DENND4A: variants seen among roughly 807,000 people sequenced by gnomAD.
The protein encoded by DENND4A is DENN domain containing 4A.
A neutral mutation model predicts 199.3 loss-of-function variants in DENND4A; 70 were observed. That is an observed-to-expected ratio of 0.35 (90% CI 0.29 to 0.43). The LOEUF (loss-of-function observed/expected upper bound fraction) is 0.43, where lower values mean the gene tolerates loss of function less well. Among genes scored for constraint, DENND4A ranks in the 20% least tolerant of loss-of-function variants. The pLI, the probability that DENND4A is intolerant of heterozygous loss-of-function variation, is 1.00. For missense variants in DENND4A, 1,723 were observed against 2,255.8 expected (o/e 0.76, Z 4.78); for synonymous variants, 686 against 766.9 (o/e 0.89, Z 1.74).
intron 24 of DENND4A, among the ~76,000 whole-genome samples, chr15:65,674,623 T>C (rs534893068): frequency 6.6e-6 from 1 of 152,076 alleles, no homozygotes; most frequent in African/African-American, 2.4e-5. Flanking sequence ...TGCACGCCTG[T>C]AGTCCCAGCT....
intron 22 of DENND4A, among the ~76,000 whole-genome samples, chr15:65,695,873 A>T (rs1175412701): frequency 2.0e-5 from 3 of 152,060 alleles, no homozygotes; most frequent in Non-Finnish European, 2.9e-5. Context: ...AACAGTGCTA[A>T]TATCTCCTTT....
rs1172358906 is a variant in DENND4A, at chr15:65,676,142, ATAT to A, written c.4369+300_4369+302del. Among the ~76,000 whole-genome samples, 297 of 97,970 alleles carry A rather than the reference ATAT, an allele frequency of 3.0e-3. 4 individuals carry two copies. Among genetic ancestry groups the A allele is most frequent in the South Asian group, 1.8e-3 (5 of 2,782 alleles). The allele number at this position is 97,970 out of a possible 152,430, so 64.3% of individuals were successfully genotyped here. A position where few individuals can be genotyped will look rare whatever the true frequency, so the allele number is the denominator to read the frequency against. On this transcript the variant is annotated intron_variant, in intron 24 of 32. Coordinates refer to ENST00000443035, the MANE Select transcript of DENND4A (RefSeq NM_001320835.1). ...GAAGACAGGGAAGTAATAAGGAAAA[ATAT>A]ATATATATATATATATATATACCTA...
chr15:65,741,668 C>G (rs768104943), intron 5 of DENND4A, 47 bp downstream of exon 5: 3 of 1,537,316 alleles, frequency 2.0e-6, no homozygotes, highest in African/African-American at 2.7e-5. Context: ...TTTCCGGGCC[C>G]TATAATACAT....
At position 65,723,400 on chromosome 15, in the gene DENND4A, T is replaced by C. The variant is rs2075706938; in HGVS notation, c.1488-452A>G. 3.3e-5 allele frequency among the ~76,000 whole-genome samples: 5 copies of C among 152,122 alleles called. No homozygotes were observed. The South Asian group carries it at 8.3e-4, about 25-fold the overall frequency. On this transcript the variant is annotated intron_variant, in intron 11 of 32. Coordinates refer to ENST00000443035, the MANE Select transcript of DENND4A (RefSeq NM_001320835.1). The stretch of plus-strand genomic sequence containing the variant: ...CACAGAGCTTATCAAAATACTTCGG[T>C]ATATTTAAATACTTAGTTTCTTAGT...
In DENND4A at chr15:65,701,117, AAAC is replaced by A; in HGVS notation, c.2632_2634del (p.Val878del). 1.9e-6 allele frequency: 3 copies of A among 1,610,626 alleles called. No homozygotes were observed. Among genetic ancestry groups the A allele is most frequent in the East Asian group, 2.2e-5 (1 of 44,488 alleles). On this transcript the variant is annotated inframe_deletion, in exon 19 of 33. Coordinates refer to ENST00000443035, the MANE Select transcript of DENND4A (RefSeq NM_001320835.1). The stretch of plus-strand genomic sequence containing the variant: ...GCTCTTTTGAACTGTGTTACTCCTA[AAAC>A]AACATTTCTTACTTTTGTCCAAAGA...
At chr15:65,779,698 A>G (rs906419358) in intron 1 of DENND4A, among the ~76,000 whole-genome samples, 1 of 151,922 alleles carries the variant, frequency 6.6e-6, no homozygotes, top group Non-Finnish European at 1.5e-5. Flanking sequence ...CACCCAGGCT[A>G]GAGTGCAGTA....
rs139875581 is a variant in DENND4A at position 65,753,157 on chromosome 15, T to C, written c.312-529A>G. Among the ~76,000 whole-genome samples, 234 of 152,220 alleles carry C rather than the reference T, an allele frequency of 1.5e-3. 1 individual carries two copies. The highest frequency in any genetic ancestry group is 5.2e-3 in the African/African-American group (216 of 41,538). On this transcript the variant is annotated intron_variant, in intron 3 of 32. Coordinates refer to ENST00000443035, the MANE Select transcript of DENND4A (RefSeq NM_001320835.1). ...AGGCACTAGGCTTTTATTTTCTCTT[T>C]ATTGGGGTAAAATCATAGGCTTTTA...
In DENND4A at chr15:65,672,023, CAAAT is replaced by C. The variant is rs761783572; in HGVS notation, c.4370-141_4370-138del. ...AAATATTAAAACTAATTAGGAAAAA[CAAAT>C]AAATAATGAACAAGATTTTTTCAAG... On this transcript the variant is annotated intron_variant, in intron 24 of 32. Transcript: ENST00000443035. The C allele has an allele frequency of 3.9e-4, 244 of 628,666 alleles. 1 individual carries two copies. Among genetic ancestry groups the C allele is most frequent in the Non-Finnish European group, 6.1e-4 (216 of 355,958 alleles). 38.9% of individuals were successfully genotyped at this position (628,666 alleles called of 1,614,324 possible).
At chr15:65,679,942 A>G (rs1003156726) in intron 23 of DENND4A, among the ~76,000 whole-genome samples, 2 of 152,118 alleles carry the variant, frequency 1.3e-5, no homozygotes, top group African/African-American at 4.8e-5. Flanking sequence ...ACTCTGGGCT[A>G]ATAATGAAAT....
chr15:65,758,305 A>T (rs2076765630), intron 2 of DENND4A, among the ~76,000 whole-genome samples: 1 of 152,252 alleles, frequency 6.6e-6, no homozygotes, highest in East Asian at 1.9e-4. Context: ...GTATCACTTA[A>T]TTTTATTTAT....
chr15:65,686,905 G>A (rs942410029), intron 23 of DENND4A, among the ~76,000 whole-genome samples: 23 of 151,812 alleles, frequency 1.5e-4, no homozygotes, highest in African/African-American at 5.1e-4. Context: ...GTCTTGCTAT[G>A]TTGCCCACGC....
At chr15:65,736,680 T>C (rs965937173) in intron 7 of DENND4A, among the ~76,000 whole-genome samples, 3 of 152,136 alleles carry the variant, frequency 2.0e-5, no homozygotes, top group East Asian at 1.9e-4. Flanking sequence ...AAAAAGAATA[T>C]CCCAAACTTT....
chr15:65,697,175 G>T (rs1021572866), intron 21 of DENND4A, 92 bp downstream of exon 21: 3 of 777,362 alleles, frequency 3.9e-6, no homozygotes, highest in Non-Finnish European at 4.1e-6. Context: ...TGGAAAAATG[G>T]AAAGTAAAAC....
chr15:65,700,901 G>A, intron 19 of DENND4A, 150 bp downstream of exon 19: 4 of 957,894 alleles, frequency 4.2e-6, no homozygotes, highest in Non-Finnish European at 5.9e-6. Flanking sequence ...GAAATCTGGT[G>A]GTTTTTAAAT....
At chr15:65,695,542 T>C (rs2142116601) in intron 22 of DENND4A, among the ~76,000 whole-genome samples, 1 of 152,310 alleles carries the variant, frequency 6.6e-6, no homozygotes, top group African/African-American at 2.4e-5. Flanking sequence ...ACTACAGGCA[T>C]ATCTAACTGT....
At chr15:65,668,820 CAAA>C (rs1035484813) in intron 27 of DENND4A, among the ~76,000 whole-genome samples, 1 of 112,236 alleles carries the variant, frequency 8.9e-6, no homozygotes. Flanking sequence ...GACTCTGTCT[CAAA>C]AAAAAAAAAA....
At chr15:65,706,485 CACACACACACAT>C (rs1278957047) in intron 14 of DENND4A, among the ~76,000 whole-genome samples, 1,996 of 92,358 alleles carry the variant, frequency 0.022, 55 homozygotes, top group African/African-American at 0.078. Flanking sequence ...CACACACACA[CACACACACACAT>C]ATATATATAT....
intron 13 of DENND4A, among the ~76,000 whole-genome samples, chr15:65,716,786 G>T (rs1224050602): frequency 1.3e-5 from 2 of 151,668 alleles, no homozygotes; most frequent in African/African-American, 4.9e-5. Flanking sequence ...GGGTCAAATG[G>T]TATTTCCAGT....
At chr15:65,707,269 T>C (rs1183906717) in intron 14 of DENND4A, among the ~76,000 whole-genome samples, 1 of 152,066 alleles carries the variant, frequency 6.6e-6, no homozygotes, top group African/African-American at 2.4e-5. Context: ...ATAATATTGA[T>C]ATTAATAAAA....
Sources: gnomAD v4.1 joint callset for allele counts (sites outside exome capture counted in the v4.1 genomes callset) on GRCh38, gnomAD v4.1.1 for gene constraint, MANE v1.5 for transcripts, NCBI Gene and HGNC (gene_info 2026-07-23, HGNC 2026-07-21) for gene names.